IMMP2L: variants seen among roughly 807,000 people sequenced by gnomAD.
The protein encoded by IMMP2L is mitochondrial inner membrane protease subunit 2.
IMMP2L carries 18 observed loss-of-function variants against 19.3 expected under a neutral mutation model. That is an observed-to-expected ratio of 0.93 (90% CI 0.64 to 1.38). IMMP2L has a LOEUF of 1.38. Among genes scored for constraint, IMMP2L ranks in the 40% most tolerant of loss-of-function variants. The pLI is 0.00. For synonymous variants in IMMP2L, 76 were observed against 73.0 expected (o/e 1.04, Z -0.21); for missense variants, 233 against 218.2 (o/e 1.07, Z -0.43).
intron 3 of IMMP2L, among the ~76,000 whole-genome samples, chr7:111,422,754 G>T (rs924329714): frequency 6.6e-6 from 1 of 151,798 alleles, no homozygotes; most frequent in Non-Finnish European, 1.5e-5. Flanking sequence ...CCAACACTAC[G>T]TTGAATAGGA....
chr7:111,118,441 A>T (rs1800156676), intron 3 of IMMP2L, among the ~76,000 whole-genome samples: 1 of 152,112 alleles, frequency 6.6e-6, no homozygotes. Context: ...GGAATTGGAT[A>T]TATAAGATAT....
rs564548660 is a variant in IMMP2L, at chr7:111,378,114, C to T, written c.239+109124G>A. On this transcript the variant is annotated intron_variant, in intron 3 of 5. Transcript: ENST00000405709. ...TATAAAAAAAACTGAAATATAATCT[C>T]TAATCAATTTTTGTTTACAATGTAG... Among the ~76,000 whole-genome samples, 3 of 151,942 alleles carry T rather than the reference C, an allele frequency of 2.0e-5. No homozygotes were observed. In the South Asian group the frequency reaches 6.2e-4, roughly 32 times the overall value.
At chr7:111,013,238 A>G (rs1825163364) in intron 3 of IMMP2L, among the ~76,000 whole-genome samples, 2 of 152,176 alleles carry the variant, frequency 1.3e-5, no homozygotes, top group Admixed American at 1.3e-4. Flanking sequence ...ACTAAGAGCA[A>G]TTGAGAACCA....
chr7:110,839,792 T>G (rs1804881073), intron 5 of IMMP2L, among the ~76,000 whole-genome samples: 1 of 152,170 alleles, frequency 6.6e-6, no homozygotes, highest in Non-Finnish European at 1.5e-5. Flanking sequence ...GATTAATAGC[T>G]GCTTATATTA....
At chr7:110,871,094 A>G (rs1320152383) in intron 5 of IMMP2L, among the ~76,000 whole-genome samples, 2 of 152,128 alleles carry the variant, frequency 1.3e-5, no homozygotes, top group Non-Finnish European at 2.9e-5. Flanking sequence ...ATAAAAAGTG[A>G]GACCCCAAGG....
At chr7:111,053,750 A>T (rs2129573332) in intron 3 of IMMP2L, among the ~76,000 whole-genome samples, 1 of 152,310 alleles carries the variant, frequency 6.6e-6, no homozygotes, top group Middle Eastern at 3.4e-3. Flanking sequence ...ACAGGTAGGA[A>T]ACTCTATTCA....
intron 3 of IMMP2L, among the ~76,000 whole-genome samples, chr7:111,383,099 T>C (rs1419335660): frequency 1.3e-5 from 2 of 152,066 alleles, no homozygotes; most frequent in African/African-American, 4.8e-5. Flanking sequence ...CTAGAGTGAT[T>C]GGGGACAGGG....
At chr7:111,440,511 T>G (rs976292393) in intron 3 of IMMP2L, among the ~76,000 whole-genome samples, 1 of 151,786 alleles carries the variant, frequency 6.6e-6, no homozygotes, top group Non-Finnish European at 1.5e-5. Context: ...GAGCAGTAGG[T>G]CTCAAGAATG....
intron 3 of IMMP2L, among the ~76,000 whole-genome samples, chr7:111,209,344 C>G (rs538496422): frequency 4.5e-4 from 65 of 144,170 alleles, no homozygotes; most frequent in Non-Finnish European, 1.3e-4. Context: ...TTGCAGTGAG[C>G]TGAGATCATG....
At chr7:111,187,491 G>A (rs190960082) in intron 3 of IMMP2L, among the ~76,000 whole-genome samples, 2 of 152,226 alleles carry the variant, frequency 1.3e-5, no homozygotes, top group East Asian at 1.9e-4. Context: ...GTATTGTAAC[G>A]AGAATTCAAA....
intron 2 of IMMP2L, among the ~76,000 whole-genome samples, chr7:111,512,414 T>C (rs1285782336): frequency 1.3e-5 from 2 of 152,142 alleles, no homozygotes; most frequent in Non-Finnish European, 2.9e-5. Flanking sequence ...TCTCAGGTGA[T>C]GAAAATATTT....
At chr7:110,793,860 T>A (rs574291196) in intron 5 of IMMP2L, among the ~76,000 whole-genome samples, 1 of 152,238 alleles carries the variant, frequency 6.6e-6, no homozygotes, top group Non-Finnish European at 1.5e-5. Flanking sequence ...AAAAAATTTA[T>A]ATAAAAACTT....
At chr7:111,298,436 G>A (rs1016096771) in intron 3 of IMMP2L, among the ~76,000 whole-genome samples, 6 of 152,082 alleles carry the variant, frequency 3.9e-5, no homozygotes, top group Admixed American at 1.3e-4. Context: ...TGCTATGTAA[G>A]TATTTGTTAA....
intron 3 of IMMP2L, among the ~76,000 whole-genome samples, chr7:111,033,255 C>A (rs927620454): frequency 4.6e-5 from 7 of 152,096 alleles, no homozygotes; most frequent in Admixed American, 3.3e-4. Flanking sequence ...TTGATAATTG[C>A]TAATTAAAAC....
intron 1 of IMMP2L, among the ~76,000 whole-genome samples, chr7:111,554,369 C>G (rs1257939282): frequency 2.0e-5 from 3 of 151,986 alleles, no homozygotes; most frequent in East Asian, 1.9e-4. Flanking sequence ...TCACGCAGAA[C>G]AAGAAGAAAG....
At chr7:111,147,640 T>C (rs1258256503) in intron 3 of IMMP2L, among the ~76,000 whole-genome samples, 1 of 152,094 alleles carries the variant, frequency 6.6e-6, no homozygotes, top group Non-Finnish European at 1.5e-5. Context: ...AGTCCTCTGC[T>C]TCACTCTGGG....
chr7:111,131,219 C>T (rs1208144271), intron 3 of IMMP2L, among the ~76,000 whole-genome samples: 1 of 150,940 alleles, frequency 6.6e-6, no homozygotes. Context: ...TAAGTGATTG[C>T]AGTGAAAAAA....
At chr7:111,229,744 C>T (rs1813522202) in intron 3 of IMMP2L, among the ~76,000 whole-genome samples, 1 of 152,000 alleles carries the variant, frequency 6.6e-6, no homozygotes, top group Admixed American at 6.6e-5. Flanking sequence ...TTAGTACACA[C>T]CACACTTTTC....
At chr7:111,038,685 G>A (rs988986844) in intron 3 of IMMP2L, among the ~76,000 whole-genome samples, 1 of 152,014 alleles carries the variant, frequency 6.6e-6, no homozygotes, top group African/African-American at 2.4e-5. Flanking sequence ...GGAGTACATT[G>A]TTTCATATGT....
Sources: allele counts gnomAD v4.1 joint callset (sites outside exome capture counted in the v4.1 genomes callset), GRCh38; gene constraint gnomAD v4.1.1; transcripts MANE v1.5; gene names NCBI Gene and HGNC (gene_info 2026-07-23, HGNC 2026-07-21).